ARHGAP32: variants seen among roughly 807,000 people sequenced by gnomAD.
The protein encoded by ARHGAP32 is Rho GTPase activating protein 32.
ARHGAP32 carries 51 observed loss-of-function variants against 186.5 expected under a neutral mutation model. The observed-to-expected ratio is 0.27, with a 90% CI of 0.22 to 0.35. ARHGAP32 has a LOEUF of 0.35. Ranked by LOEUF, ARHGAP32 falls within the 10% of genes least tolerant of loss-of-function variation. ARHGAP32 has a pLI of 1.00. For missense variants in ARHGAP32, 2,186 were observed against 2,623.5 expected (o/e 0.83, Z 3.64); for synonymous variants, 950 against 964.3 (o/e 0.99, Z 0.27).
chr11:129,153,642 T>C (rs1943339082), intron 2 of ARHGAP32, among the ~76,000 whole-genome samples: 1 of 152,108 alleles, frequency 6.6e-6, no homozygotes, highest in Non-Finnish European at 1.5e-5. Flanking sequence ...GGGTAAGGGA[T>C]ACCTATTCAA....
At chr11:129,014,846 G>A (rs188300017) in intron 11 of ARHGAP32, among the ~76,000 whole-genome samples, 28 of 152,258 alleles carry the variant, frequency 1.8e-4, no homozygotes, top group Non-Finnish European at 2.4e-4. Context: ...ATTACATAAT[G>A]TTTAAGGTTC....
At chr11:129,048,813 T>C (rs560630726) in intron 10 of ARHGAP32, among the ~76,000 whole-genome samples, 1 of 152,264 alleles carries the variant, frequency 6.6e-6, no homozygotes, top group African/African-American at 2.4e-5. Context: ...TTTAATTAAT[T>C]TGTAATACCT....
chr11:129,252,565 T>C (rs1028265506), intron 1 of ARHGAP32, among the ~76,000 whole-genome samples: 11 of 152,068 alleles, frequency 7.2e-5, no homozygotes, highest in Non-Finnish European at 1.0e-4. Context: ...CGATTAGATA[T>C]AAAGGGCAGC....
At chr11:129,019,764 T>C (rs1278855790) in intron 11 of ARHGAP32, among the ~76,000 whole-genome samples, 1 of 152,130 alleles carries the variant, frequency 6.6e-6, no homozygotes, top group East Asian at 1.9e-4. Context: ...AATACATCCT[T>C]GAACCAATGA....
intron 6 of ARHGAP32, among the ~76,000 whole-genome samples, chr11:129,080,806 AAAAG>A (rs1322093275): frequency 2.6e-5 from 4 of 152,020 alleles, no homozygotes; most frequent in Admixed American, 2.6e-4. Flanking sequence ...AAAGAAAAAT[AAAAG>A]AAAAAGCTGG....
At chr11:129,205,566 T>C (rs1370265007) in intron 1 of ARHGAP32, among the ~76,000 whole-genome samples, 3 of 152,166 alleles carry the variant, frequency 2.0e-5, no homozygotes, top group African/African-American at 7.2e-5. Flanking sequence ...ACCAAAAATC[T>C]CTGAAGATCA....
At chr11:129,048,854 G>C (rs1939921958) in intron 10 of ARHGAP32, among the ~76,000 whole-genome samples, 1 of 152,048 alleles carries the variant, frequency 6.6e-6, no homozygotes, top group Admixed American at 6.6e-5. Flanking sequence ...GAAAAGGATA[G>C]AGTAGGCATT....
intron 10 of ARHGAP32, among the ~76,000 whole-genome samples, chr11:129,046,016 A>G (rs1322311640): frequency 6.6e-6 from 1 of 152,210 alleles, no homozygotes; most frequent in African/African-American, 2.4e-5. Context: ...GCCACCAGAC[A>G]TGCTAATCTA....
chr11:129,118,589 T>C (rs1942436694), intron 5 of ARHGAP32, among the ~76,000 whole-genome samples: 1 of 152,126 alleles, frequency 6.6e-6, no homozygotes, highest in Non-Finnish European at 1.5e-5. Context: ...AAGAACCTAA[T>C]GAGCAATAAT....
chr11:129,269,540 A>G (rs1245375989), intron 1 of ARHGAP32, among the ~76,000 whole-genome samples: 1 of 152,074 alleles, frequency 6.6e-6, no homozygotes, highest in African/African-American at 2.4e-5. Flanking sequence ...CAGCCTGGAC[A>G]ACATAGAGAG....
intron 1 of ARHGAP32, among the ~76,000 whole-genome samples, chr11:129,244,133 T>A (rs1423874856): frequency 6.6e-6 from 1 of 152,204 alleles, no homozygotes; most frequent in African/African-American, 2.4e-5. Context: ...CAAAGCACTA[T>A]AACATTATTT....
At chr11:129,081,479 T>C (rs1038431638) in intron 6 of ARHGAP32, among the ~76,000 whole-genome samples, 3 of 151,844 alleles carry the variant, frequency 2.0e-5, no homozygotes, top group Non-Finnish European at 4.4e-5. Flanking sequence ...ATAAATGTAA[T>C]ACACAACATA....
Position 129,189,586 on chromosome 11 carries a change from C to T in ARHGAP32, c.116+2497G>A, listed in dbSNP as rs114752691. 6.0e-3 allele frequency among the ~76,000 whole-genome samples: 918 copies of T among 152,230 alleles called. 13 individuals are homozygous for T. The highest frequency in any genetic ancestry group is 0.021 in the African/African-American group (885 of 41,542). ...TATTCTAAGGACTAAATATTCTAGTCTAATAACTATTTTACCACAGTGACA... is the reference window on the plus strand; with the variant it reads ...TATTCTAAGGACTAAATATTCTAGTTTAATAACTATTTTACCACAGTGACA... On this transcript the variant is annotated intron_variant, in intron 1 of 22. Coordinates refer to ENST00000682385, the MANE Select transcript of ARHGAP32 (RefSeq NM_001378024.1).
At chr11:129,019,491 T>C (rs1267924261) in intron 11 of ARHGAP32, among the ~76,000 whole-genome samples, 3 of 152,154 alleles carry the variant, frequency 2.0e-5, no homozygotes, top group African/African-American at 4.8e-5. Flanking sequence ...AAAGAACAGG[T>C]ATGTTAAATA....
intron 1 of ARHGAP32, among the ~76,000 whole-genome samples, chr11:129,256,400 C>CTAA (rs1177464490): frequency 3.9e-5 from 6 of 152,224 alleles, no homozygotes; most frequent in Admixed American, 3.9e-4. Context: ...CCAAATGACC[C>CTAA]TAATTGTGCT....
chr11:129,237,290 C>T (rs1565476704), intron 1 of ARHGAP32, among the ~76,000 whole-genome samples: 1 of 152,180 alleles, frequency 6.6e-6, no homozygotes, highest in African/African-American at 2.4e-5. Context: ...TAGTAAATCT[C>T]ACATTTAAAG....
chr11:129,148,805 T>C (rs1012614619), intron 2 of ARHGAP32, among the ~76,000 whole-genome samples: 7 of 152,120 alleles, frequency 4.6e-5, no homozygotes, highest in Admixed American at 1.3e-4. Context: ...GGGAGTTGGG[T>C]AAGGCCTCTT....
intron 1 of ARHGAP32, among the ~76,000 whole-genome samples, chr11:129,267,569 A>T (rs960049498): frequency 2.0e-5 from 3 of 152,222 alleles, no homozygotes; most frequent in African/African-American, 4.8e-5. Flanking sequence ...GAGGAATCTG[A>T]ATTCTCTGTT....
intron 1 of ARHGAP32, among the ~76,000 whole-genome samples, chr11:129,219,351 T>C (rs2135606439): frequency 6.6e-6 from 1 of 152,324 alleles, no homozygotes; most frequent in South Asian, 2.1e-4. Flanking sequence ...ATAAAAATGG[T>C]TATGAATTTA....
Sources: allele counts gnomAD v4.1 joint callset (sites outside exome capture counted in the v4.1 genomes callset), GRCh38; gene constraint gnomAD v4.1.1; transcripts MANE v1.5; gene names NCBI Gene and HGNC (gene_info 2026-07-23, HGNC 2026-07-21).